Variants in CLNK observed in about 807,000 individuals in gnomAD.
The protein encoded by CLNK is cytokine dependent hematopoietic cell linker, also known as cytokine-dependent hematopoietic cell linker.
In CLNK, 74 loss-of-function variants were observed where a neutral mutation model predicts 68.6. That is an observed-to-expected ratio of 1.08 (90% CI 0.89 to 1.31). CLNK has a LOEUF of 1.31. Among genes scored for constraint, CLNK ranks in the 50% most tolerant of loss-of-function variants. CLNK has a pLI of 0.00. For missense variants in CLNK, 553 were observed against 515.3 expected (o/e 1.07, Z -0.71); for synonymous variants, 198 against 172.2 (o/e 1.15, Z -1.17).
chr4:10,712,542 T>G, the CLNK span, among the ~76,000 whole-genome samples: 9 of 152,304 alleles, frequency 5.9e-5, no homozygotes, highest in East Asian at 1.7e-3. Context: ...CCCTCCATGC[T>G]TGGGGACTAA....
Position 10,542,680 on chromosome 4 carries a change from GTGTATA to G in CLNK, c.446-406_446-401del, listed in dbSNP as rs1318132517. On this transcript the variant is annotated intron_variant, in intron 8 of 18. Coordinates refer to ENST00000226951, the MANE Select transcript of CLNK (RefSeq NM_052964.4). Reference sequence around the variant, plus strand: ...TATGTGTGTGTGTGTGTGTGTGTGTGTGTATATATATATATATACAATTCAATTTCC... The same window carrying G: ...TATGTGTGTGTGTGTGTGTGTGTGTGTATATATATATACAATTCAATTTCC... Among the ~76,000 whole-genome samples the G allele has an allele frequency of 9.1e-3, 1,323 of 145,122 alleles. 4 individuals are homozygous for G. The highest frequency in any genetic ancestry group is 0.014 in the Non-Finnish European group (926 of 66,460).
chr4:10,664,134 A>G (rs4302458), intron 2 of CLNK, among the ~76,000 whole-genome samples: 122,105 of 152,018 alleles, frequency 0.8, 49,193 homozygotes, highest in Non-Finnish European at 0.83. Context: ...TTAGGATTCC[A>G]GGTTATAAAA....
chr4:10,628,206 T>A (rs1402460744), intron 2 of CLNK, among the ~76,000 whole-genome samples: 5 of 152,204 alleles, frequency 3.3e-5, no homozygotes, highest in Non-Finnish European at 4.4e-5. Context: ...TGGACCTATA[T>A]GGTCTGGTCT....
At chr4:10,721,179 AGGAGGGAGTTGGGGGCTGG>A in the CLNK span, among the ~76,000 whole-genome samples, 1 of 41,786 alleles carries the variant, frequency 2.4e-5, no homozygotes, top group Admixed American at 3.2e-4. Flanking sequence ...GGGGGCTCTG[AGGAGGGAGTTGGGGGCTGG>A]AGGGAACTGG....
intron 1 of CLNK, among the ~76,000 whole-genome samples, chr4:10,679,720 A>G (rs1725017605): frequency 6.6e-6 from 1 of 152,216 alleles, no homozygotes; most frequent in Admixed American, 6.5e-5. Flanking sequence ...ATGAACAGAC[A>G]CTTCTCAAAA....
the CLNK span, among the ~76,000 whole-genome samples, chr4:10,695,898 C>A: frequency 6.6e-6 from 1 of 151,754 alleles, no homozygotes; most frequent in South Asian, 2.1e-4. Flanking sequence ...CTCTGTTGCC[C>A]AGGCTGGAGT....
At chr4:10,534,895 T>C (rs888806882) in intron 11 of CLNK, among the ~76,000 whole-genome samples, 2 of 152,308 alleles carry the variant, frequency 1.3e-5, no homozygotes, top group South Asian at 4.1e-4. Flanking sequence ...CATTCATAAA[T>C]ACAAATGTGT....
At chr4:10,681,286 A>G (rs943200985) in intron 1 of CLNK, among the ~76,000 whole-genome samples, 1 of 152,102 alleles carries the variant, frequency 6.6e-6, no homozygotes, top group Non-Finnish European at 1.5e-5. Context: ...AGCTCCATCA[A>G]CTCTGTGTGC....
intron 18 of CLNK, among the ~76,000 whole-genome samples, chr4:10,491,726 A>T (rs1716581317): frequency 6.6e-6 from 1 of 152,204 alleles, no homozygotes; most frequent in Non-Finnish European, 1.5e-5. Context: ...GTACAGGACC[A>T]TGCATAAGGA....
At chr4:10,656,933 G>A (rs548196943) in intron 2 of CLNK, among the ~76,000 whole-genome samples, 35 of 152,138 alleles carry the variant, frequency 2.3e-4, no homozygotes, top group South Asian at 8.3e-4. Context: ...TGTACATTGG[G>A]GCAGTCATAA....
intron 2 of CLNK, among the ~76,000 whole-genome samples, chr4:10,648,126 A>G (rs1205497946): frequency 6.6e-6 from 1 of 152,196 alleles, no homozygotes; most frequent in Non-Finnish European, 1.5e-5. Flanking sequence ...TTTTACTGAT[A>G]TTCTTAGCTA....
chr4:10,504,282 G>A (rs1396153666), intron 17 of CLNK, among the ~76,000 whole-genome samples: 1 of 151,714 alleles, frequency 6.6e-6, no homozygotes, highest in African/African-American at 2.4e-5. Flanking sequence ...CACCACGCCC[G>A]GCTAACTTTT....
chr4:10,661,586 A>G (rs980160334), intron 2 of CLNK, among the ~76,000 whole-genome samples: 1 of 152,232 alleles, frequency 6.6e-6, no homozygotes, highest in Non-Finnish European at 1.5e-5. Context: ...ATCCTCATGG[A>G]GAATGACTAG....
rs78646196 is a variant in CLNK at position 10,657,972 on chromosome 4, T to C, written c.11+9887A>G. Among the ~76,000 whole-genome samples the C allele has an allele frequency of 3.5e-4, 54 of 152,342 alleles. No individual in the cohort carries two copies. The East Asian group carries it at 9.4e-3, about 27-fold the overall frequency. On this transcript the variant is annotated intron_variant, in intron 2 of 18. Transcript: ENST00000226951. Reference sequence around the variant, plus strand: ...CTTTACATTAAATCTGGGTAGAAGTTCTCCAGCTGCTGTAATTACTTGAGG... The same window carrying C: ...CTTTACATTAAATCTGGGTAGAAGTCCTCCAGCTGCTGTAATTACTTGAGG...
chr4:10,617,424 A>C (rs1221573194), intron 2 of CLNK, among the ~76,000 whole-genome samples: 1 of 152,200 alleles, frequency 6.6e-6, no homozygotes, highest in Non-Finnish European at 1.5e-5. Flanking sequence ...AAAAAATTCC[A>C]AAATCCCCTT....
chr4:10,547,173 G>A (rs1719265461), intron 8 of CLNK, among the ~76,000 whole-genome samples: 1 of 152,186 alleles, frequency 6.6e-6, no homozygotes, highest in African/African-American at 2.4e-5. Context: ...ATTATAGCAG[G>A]TGGGATGAGC....
intron 2 of CLNK, among the ~76,000 whole-genome samples, chr4:10,632,837 C>A (rs555184374): frequency 1.3e-5 from 2 of 152,332 alleles, no homozygotes; most frequent in South Asian, 2.1e-4. Context: ...GTATTAGGAA[C>A]TAAATACTAT....
chr4:10,618,453 C>T (rs903256915), intron 2 of CLNK, among the ~76,000 whole-genome samples: 4 of 152,152 alleles, frequency 2.6e-5, no homozygotes, highest in Middle Eastern at 3.2e-3. Flanking sequence ...TAGTGAGAGT[C>T]ACACTAGTTG....
At chr4:10,663,573 G>T (rs1455004532) in intron 2 of CLNK, among the ~76,000 whole-genome samples, 2 of 152,228 alleles carry the variant, frequency 1.3e-5, no homozygotes, top group South Asian at 2.1e-4. Flanking sequence ...ACATATGTGT[G>T]CATGTGCTTG....
Sources: allele counts gnomAD v4.1 joint callset (sites outside exome capture counted in the v4.1 genomes callset), GRCh38; gene constraint gnomAD v4.1.1; transcripts MANE v1.5; gene names NCBI Gene and HGNC (gene_info 2026-07-23, HGNC 2026-07-21).